MAN2A1: variants seen among roughly 807,000 people sequenced by gnomAD.
MAN2A1 encodes the protein mannosidase alpha class 2A member 1.
Under a neutral mutation model 142.6 loss-of-function variants are expected in MAN2A1, and 76 were observed. The observed-to-expected ratio is 0.53, with a 90% CI of 0.44 to 0.65. The LOEUF is 0.65. Ranked by LOEUF, MAN2A1 falls within the 30% of genes least tolerant of loss-of-function variation. The pLI is 0.00. For synonymous variants in MAN2A1, 559 were observed against 473.2 expected, an observed-to-expected ratio of 1.18 and a Z score of -2.35; for missense variants, 1,311 against 1,365.1, an observed-to-expected ratio of 0.96 and a Z score of 0.62.
At chr5:109,773,941 C>T (rs527621488) in intron 7 of MAN2A1, among the ~76,000 whole-genome samples, 1 of 152,230 alleles carries the variant, frequency 6.6e-6, no homozygotes, top group East Asian at 1.9e-4. Context: ...TTGGGTTCAT[C>T]CACTTGTATA....
chr5:109,739,274 A>G lies in MAN2A1; in HGVS notation c.707+9761A>G, dbSNP rs895781983. 2.0e-5 allele frequency among the ~76,000 whole-genome samples: 3 copies of G among 152,196 alleles called. No homozygotes were observed. In the East Asian group the frequency reaches 5.8e-4, roughly 29 times the overall value. ...ATTTATGAAATTTCAAATTTTCACT[A>G]AGTTATATATCTAGGTAGTATAACT... On this transcript the variant is annotated intron_variant, in intron 4 of 21. Coordinates refer to ENST00000261483, the MANE Select transcript of MAN2A1 (RefSeq NM_002372.4).
chr5:109,801,799 A>T lies in MAN2A1; in HGVS notation c.1943+12272A>T, dbSNP rs138649748. On this transcript the variant is annotated intron_variant, in intron 12 of 21. Coordinates refer to ENST00000261483, the MANE Select transcript of MAN2A1 (RefSeq NM_002372.4). ...ATACCAAACACAATGAAACTGAAAA[A>T]TTTTCTACATATTCTAAAACCAAAA... Among the ~76,000 whole-genome samples the T allele has an allele frequency of 1.6e-3, 238 of 152,282 alleles. 2 individuals are homozygous for T. Among genetic ancestry groups the T allele is most frequent in the African/African-American group, 5.5e-3 (227 of 41,558 alleles).
At chr5:109,840,347 A>C (rs1755168050) in intron 16 of MAN2A1, 1 of 351,700 alleles carries the variant, frequency 2.8e-6, no homozygotes, top group Non-Finnish European at 5.7e-6. Context: ...ACATTTTGGA[A>C]AAGGGAGTAT....
At chr5:109,834,969 TAC>T (rs999662278) in intron 16 of MAN2A1, among the ~76,000 whole-genome samples, 4 of 152,094 alleles carry the variant, frequency 2.6e-5, no homozygotes, top group African/African-American at 9.7e-5. Flanking sequence ...CAGATATAAG[TAC>T]AGTTTTTTTT....
intron 14 of MAN2A1, 63 bp from the exon 15 acceptor site, chr5:109,820,157 C>CAGAT: frequency 7.2e-7 from 1 of 1,380,786 alleles, no homozygotes; most frequent in Non-Finnish European, 1.0e-6. Flanking sequence ...TACATAGAAC[C>CAGAT]AGATGCAACA....
chr5:109,698,151 T>C (rs2112540390), intron 1 of MAN2A1, among the ~76,000 whole-genome samples: 1 of 152,338 alleles, frequency 6.6e-6, no homozygotes, highest in East Asian at 1.9e-4. Flanking sequence ...CCAGTCTGAT[T>C]GCTTGGGTTA....
chr5:109,787,505 T>A (rs944931800), intron 10 of MAN2A1, among the ~76,000 whole-genome samples: 1 of 152,002 alleles, frequency 6.6e-6, no homozygotes, highest in Non-Finnish European at 1.5e-5. Flanking sequence ...ATGTACTGTG[T>A]TTCATTTTGT....
chr5:109,850,230 G>A (rs1335250192), intron 19 of MAN2A1, among the ~76,000 whole-genome samples: 5 of 152,094 alleles, frequency 3.3e-5, no homozygotes, highest in African/African-American at 4.8e-5. Flanking sequence ...AATGAATATC[G>A]AAATGCATAG....
At chr5:109,851,214 A>G (rs1437549758) in intron 19 of MAN2A1, among the ~76,000 whole-genome samples, 1 of 152,254 alleles carries the variant, frequency 6.6e-6, no homozygotes, top group Non-Finnish European at 1.5e-5. Context: ...ACTGTGTAAT[A>G]TGTGCAGGTG....
chr5:109,786,598 T>C lies in MAN2A1; in HGVS notation c.1760+1672T>C, dbSNP rs186150651. 4.1e-4 allele frequency among the ~76,000 whole-genome samples: 63 copies of C among 152,222 alleles called. 1 individual carries two copies. The highest frequency in any genetic ancestry group is 6.8e-3 in the Middle Eastern group (2 of 294). On this transcript the variant is annotated intron_variant, in intron 10 of 21. Transcript: ENST00000261483. ...GTACTTGGCATTTGTAAATTTGCTA[T>C]GTTAGTACTTCACAGTTCATTGAAA...
intron 16 of MAN2A1, among the ~76,000 whole-genome samples, chr5:109,839,511 A>T (rs1185230167): frequency 1.0e-5 from 1 of 98,502 alleles, no homozygotes; most frequent in African/African-American, 3.0e-5. Flanking sequence ...TATGGCCATT[A>T]AAAAAAAAAA....
chr5:109,747,605 A>T (rs1263318528), intron 4 of MAN2A1, among the ~76,000 whole-genome samples: 1 of 152,130 alleles, frequency 6.6e-6, no homozygotes, highest in Non-Finnish European at 1.5e-5. Flanking sequence ...GAGGGTGGGT[A>T]CAGCAGTTTC....
intron 4 of MAN2A1, among the ~76,000 whole-genome samples, chr5:109,731,207 T>G (rs1751896155): frequency 6.6e-6 from 1 of 151,944 alleles, no homozygotes; most frequent in Non-Finnish European, 1.5e-5. Context: ...ATCATTTTCT[T>G]GTCTTAGGAA....
rs578114487 is a variant in MAN2A1, at chr5:109,865,062, A to C, written c.3198A>C (p.Ala1066=). Residue 1066 remains alanine, a synonymous_variant, in exon 21 of 22, where the codon GCA becomes GCC. Transcript: ENST00000261483. ...SKVGNGHSNE[A]ALILHRKGFD... ...TGGGCAATGGGCACTCCAATGAGGC[A>C]GCCTTGATCCTCCACAGAAAAGGGT... 6.2e-7 allele frequency: 1 copy of C among 1,614,046 alleles called. No homozygotes were observed. Among genetic ancestry groups the C allele is most frequent in the East Asian group, 2.2e-5 (1 of 44,880 alleles).
At chr5:109,717,446 T>G (rs1020333190) in intron 3 of MAN2A1, among the ~76,000 whole-genome samples, 12 of 152,320 alleles carry the variant, frequency 7.9e-5, no homozygotes, top group African/African-American at 2.9e-4. Context: ...TGCACTGACA[T>G]GTAAAATATA....
chr5:109,703,083 C>A (rs922643528), intron 1 of MAN2A1, among the ~76,000 whole-genome samples: 1 of 152,138 alleles, frequency 6.6e-6, no homozygotes, highest in Non-Finnish European at 1.5e-5. Context: ...CTTAATACAA[C>A]CCTGCCTTCA....
At chr5:109,704,269 G>A (rs1470407686) in intron 1 of MAN2A1, among the ~76,000 whole-genome samples, 1 of 152,194 alleles carries the variant, frequency 6.6e-6, no homozygotes, top group Non-Finnish European at 1.5e-5. Flanking sequence ...AGGCAGGTGT[G>A]AGATTTATGA....
chr5:109,806,305 A>C lies in MAN2A1; in HGVS notation c.1944-10968A>C, dbSNP rs1754164158. Among the ~76,000 whole-genome samples the C allele has an allele frequency of 2.0e-5, 3 of 152,166 alleles. No homozygotes were observed. The South Asian group carries it at 6.2e-4, about 32-fold the overall frequency. On this transcript the variant is annotated intron_variant, in intron 12 of 21. Coordinates refer to ENST00000261483, the MANE Select transcript of MAN2A1 (RefSeq NM_002372.4). ...TCCTGGCTGTACCATTTCTATGGCT[A>C]CATAACCATGAGTAGGATACAGAAC... is the stretch of plus-strand genomic sequence containing the variant.
chr5:109,853,570 G>C (rs1453244637), intron 19 of MAN2A1: 2 of 152,206 alleles, frequency 1.3e-5, no homozygotes, highest in Admixed American at 6.5e-5. Flanking sequence ...AACAAAGCCA[G>C]AGCTTTCTCT....
Sources: allele counts gnomAD v4.1 joint callset (sites outside exome capture counted in the v4.1 genomes callset), GRCh38; gene constraint gnomAD v4.1.1; transcripts MANE v1.5; gene names NCBI Gene and HGNC (gene_info 2026-07-23, HGNC 2026-07-21).